Variants in FCHSD2 observed in about 807,000 individuals in gnomAD.
FCHSD2 encodes FCH and double SH3 domains 2, also known as F-BAR and double SH3 domains protein 2.
In FCHSD2, 38 loss-of-function variants were observed where a neutral mutation model predicts 108.1. The ratio of observed to expected loss-of-function variants is 0.35; its 90% CI spans 0.27 to 0.46. FCHSD2 has a LOEUF of 0.46. Ranked by LOEUF, FCHSD2 falls within the 20% of genes least tolerant of loss-of-function variation. The pLI is 1.00. For missense variants in FCHSD2, 751 were observed against 897.8 expected, an observed-to-expected ratio of 0.84 and a Z score of 2.09; for synonymous variants, 279 against 314.7, an observed-to-expected ratio of 0.89 and a Z score of 1.20.
intron 3 of FCHSD2, among the ~76,000 whole-genome samples, chr11:73,029,803 T>G (rs1330243541): frequency 6.6e-6 from 1 of 152,160 alleles, no homozygotes. Context: ...TGAGAGAAAT[T>G]AGTAAGTCAC....
intron 3 of FCHSD2, among the ~76,000 whole-genome samples, chr11:73,052,531 G>A (rs1858924973): frequency 6.6e-6 from 1 of 152,144 alleles, no homozygotes; most frequent in Admixed American, 6.6e-5. Context: ...GAGAGGATAT[G>A]AAAACTAATT....
intron 8 of FCHSD2, chr11:72,941,182 T>G (rs1856410448): frequency 5.9e-6 from 2 of 336,704 alleles, no homozygotes; most frequent in Non-Finnish European, 1.1e-5. Context: ...AATAAGCTAT[T>G]TTAATATTTT....
chr11:72,930,041 G>A (rs887676178), intron 8 of FCHSD2, among the ~76,000 whole-genome samples: 2 of 152,044 alleles, frequency 1.3e-5, no homozygotes, highest in African/African-American at 4.8e-5. Flanking sequence ...TCTTAATTGG[G>A]TCACCTTTAT....
intron 3 of FCHSD2, among the ~76,000 whole-genome samples, chr11:73,081,304 C>T (rs573494410): frequency 1.3e-5 from 2 of 151,988 alleles, no homozygotes; most frequent in African/African-American, 4.8e-5. Flanking sequence ...CATGGTGGCA[C>T]GCACCTGTAG....
At chr11:73,041,895 T>C (rs1417074229) in intron 3 of FCHSD2, among the ~76,000 whole-genome samples, 1 of 152,140 alleles carries the variant, frequency 6.6e-6, no homozygotes, top group Non-Finnish European at 1.5e-5. Context: ...TTTTGGGTCC[T>C]AGGTTTAAGT....
chr11:72,972,279 T>A (rs1483745134), intron 8 of FCHSD2, among the ~76,000 whole-genome samples: 1 of 152,220 alleles, frequency 6.6e-6, no homozygotes, highest in South Asian at 2.1e-4. Context: ...TTTTGATTTA[T>A]ATTTTTATGA....
At chr11:73,049,684 T>TAAAAA (rs557262661) in intron 3 of FCHSD2, among the ~76,000 whole-genome samples, 1 of 75,596 alleles carries the variant, frequency 1.3e-5, no homozygotes, top group Non-Finnish European at 3.2e-5. Flanking sequence ...TAGAGTATAA[T>TAAAAA]AAAAAAAAAA....
At chr11:73,074,491 T>TTG (rs1859504066) in intron 3 of FCHSD2, among the ~76,000 whole-genome samples, 1 of 152,122 alleles carries the variant, frequency 6.6e-6, no homozygotes. Flanking sequence ...ATGTGAAATA[T>TTG]TAAACAATAA....
At chr11:72,978,848 C>T (rs900018427) in intron 8 of FCHSD2, among the ~76,000 whole-genome samples, 1 of 138,802 alleles carries the variant, frequency 7.2e-6, no homozygotes, top group Non-Finnish European at 1.5e-5. Context: ...TCTCAGGTAG[C>T]TCTTTCTTTT....
chr11:73,048,338 T>G (rs1318126907), intron 3 of FCHSD2, among the ~76,000 whole-genome samples: 1 of 152,212 alleles, frequency 6.6e-6, no homozygotes, highest in Admixed American at 6.5e-5. Context: ...CATGATAGTC[T>G]AGTACTGGCT....
At chr11:72,896,811 G>A (rs1374555837) in intron 10 of FCHSD2, among the ~76,000 whole-genome samples, 1 of 145,294 alleles carries the variant, frequency 6.9e-6, no homozygotes, top group African/African-American at 2.5e-5. Context: ...TGCTTGCCTT[G>A]TGGATTTTTG....
chr11:72,954,196 ATTTTTTTTT>A (rs57517075), intron 8 of FCHSD2, among the ~76,000 whole-genome samples: 7 of 111,702 alleles, frequency 6.3e-5, no homozygotes, highest in Admixed American at 2.1e-4. Flanking sequence ...AGATGTGGGG[ATTTTTTTTT>A]TTTTTTTTTT....
At position 73,001,051 on chromosome 11, in the gene FCHSD2, T is replaced by C; in HGVS notation, c.326A>G (p.Lys109Arg). Residue 109 changes from lysine (K) to arginine (R), a missense_variant, in exon 5 of 20, where the codon AAA (lysine) becomes AGA (arginine). Lys to Arg is a conservative substitution (Grantham distance 26). Transcript: ENST00000409418. ...CCTTGCAGGCTCAGAAATGAAGTTT[T>C]TATAGTTTTCACATATATTCATCCG... is the stretch of plus-strand genomic sequence containing the variant. ...QSRMNICENY[K>R]NFISEPARTV... 6.2e-7 allele frequency: 1 copy of C among 1,612,962 alleles called. No individual in the cohort carries two copies. Among genetic ancestry groups the C allele is most frequent in the Non-Finnish European group, 8.5e-7 (1 of 1,179,470 alleles).
intron 12 of FCHSD2, among the ~76,000 whole-genome samples, chr11:72,885,309 T>C (rs936752205): frequency 1.3e-5 from 2 of 152,210 alleles, no homozygotes; most frequent in Non-Finnish European, 2.9e-5. Flanking sequence ...ACGGATCTGC[T>C]ACAATGGTTT....
chr11:72,934,110 GAAAAAAAAAA>G (rs375464183), intron 8 of FCHSD2, among the ~76,000 whole-genome samples: 2 of 50,880 alleles, frequency 3.9e-5, no homozygotes, highest in East Asian at 7.0e-4. Context: ...CACTGTCTCA[GAAAAAAAAAA>G]AAAAAAAAAA....
At chr11:73,043,252 T>C (rs1256342755) in intron 3 of FCHSD2, among the ~76,000 whole-genome samples, 2 of 152,160 alleles carry the variant, frequency 1.3e-5, no homozygotes, top group African/African-American at 4.8e-5. Flanking sequence ...GTTGAGAGAT[T>C]TTATCATGAA....
intron 5 of FCHSD2, among the ~76,000 whole-genome samples, chr11:72,995,851 G>T (rs1037813678): frequency 6.6e-6 from 1 of 152,042 alleles, no homozygotes; most frequent in African/African-American, 2.4e-5. Context: ...CAAATGATTA[G>T]GTTCTCTAAC....
chr11:72,869,260 T>G (rs1854798509), intron 12 of FCHSD2, among the ~76,000 whole-genome samples: 1 of 152,146 alleles, frequency 6.6e-6, no homozygotes, highest in African/African-American at 2.4e-5. Context: ...AAAAAGGAAA[T>G]CAAGGCTTTT....
At chr11:72,999,086 C>G (rs1399296414) in intron 5 of FCHSD2, among the ~76,000 whole-genome samples, 1 of 152,134 alleles carries the variant, frequency 6.6e-6, no homozygotes, top group Non-Finnish European at 1.5e-5. Flanking sequence ...CCTAGATCCA[C>G]CCATGCTTGA....
Sources: allele counts gnomAD v4.1 joint callset (sites outside exome capture counted in the v4.1 genomes callset), GRCh38; gene constraint gnomAD v4.1.1; transcripts MANE v1.5; gene names NCBI Gene and HGNC (gene_info 2026-07-23, HGNC 2026-07-21).